Variants in PROKR2 observed in about 807,000 individuals in gnomAD.
The protein encoded by PROKR2 is G protein-coupled receptor 73-like 1.
A neutral mutation model predicts 23.4 loss-of-function variants in PROKR2; 26 were observed. The observed-to-expected ratio is 1.11, with a 90% CI of 0.81 to 1.54. The LOEUF (loss-of-function observed/expected upper bound fraction) is 1.54, where lower values mean the gene tolerates loss of function less well. Among genes scored for constraint, PROKR2 ranks in the 40% most tolerant of loss-of-function variants. PROKR2 has a pLI of 0.00. For synonymous variants in PROKR2, 212 were observed against 201.2 expected, an observed-to-expected ratio of 1.05 and a Z score of -0.45; for missense variants, 453 against 511.5, an observed-to-expected ratio of 0.89 and a Z score of 1.10.
At position 5,302,430 on chromosome 20, in the gene PROKR2, G is replaced by A. The variant is rs1979032043; in HGVS notation, c.765C>T (p.Val255=). The stretch of plus-strand genomic sequence containing the variant: ...GAATCTGCTCCGTCTGGAACCCAGG[G>A]ACTGCCTTGAACCAGAGCTCCCGGG... ...RISRELWFKA[V]PGFQTEQIRK... The change falls in exon 3 of 3, where the codon GTC becomes GTT. Residue 255 remains valine (V), a synonymous_variant. Transcript: ENST00000678254. 6.2e-7 allele frequency: 1 copy of A among 1,614,080 alleles called. No individual in the cohort carries two copies. The highest frequency in any genetic ancestry group is 1.3e-5 in the African/African-American group (1 of 74,924).
rs760687959 is a variant in PROKR2 at position 5,302,100 on chromosome 20, A to C, written c.1095T>G (p.Leu365=). The C allele has an allele frequency of 6.2e-7, 1 of 1,614,182 alleles. No homozygotes were observed. The highest frequency in any genetic ancestry group is 8.5e-7 in the Non-Finnish European group (1 of 1,180,024). Residue 365 remains leucine, a synonymous_variant, in exon 3 of 3, where the codon CTT becomes CTG. Transcript: ENST00000678254. ...TGGGCACCCCGTTGGTTCTGAGGTC[A>C]AGGTCAGCACTGGACTTGCTCCCCC... ...SQRGSKSSAD[L]DLRTNGVPTT... is the part of the protein sequence containing the mutation.
intron 2 of PROKR2, among the ~76,000 whole-genome samples, chr20:5,308,186 G>A (rs1450239192): frequency 6.0e-5 from 5 of 83,754 alleles, no homozygotes; most frequent in Non-Finnish European, 1.2e-4. Context: ...GACATGTTGG[G>A]AACAGGCCCC....
In PROKR2 at chr20:5,315,959, G is replaced by A. The variant is rs146261858; in HGVS notation, c.-9+535C>T. 2.0e-4 allele frequency: 90 copies of A among 456,418 alleles called. 1 individual carries two copies. Among genetic ancestry groups the A allele is most frequent in the South Asian group, 1.4e-3 (89 of 64,558 alleles). The allele number at this position is 456,418 out of a possible 1,614,324, so 28.3% of individuals were successfully genotyped here. A position where few individuals can be genotyped will look rare whatever the true frequency, so the allele number is the denominator to read the frequency against. On this transcript the variant is annotated intron_variant, in intron 1 of 2. Transcript: ENST00000678254. ...TAGATTGCACTCCCCGCCCGGGAGC[G>A]ACCCGTTCCAGCAGCCCCCTTCCCG...
intron 2 of PROKR2, among the ~76,000 whole-genome samples, chr20:5,308,667 C>T (rs961369735): frequency 3.3e-5 from 5 of 152,212 alleles, no homozygotes; most frequent in Non-Finnish European, 7.3e-5. Flanking sequence ...TTTAATTCCT[C>T]TAGCGCTGCT....
At chr20:5,308,194 C>CA (rs1568571185) in intron 2 of PROKR2, among the ~76,000 whole-genome samples, 4 of 98,206 alleles carry the variant, frequency 4.1e-5, no homozygotes. Context: ...GGGAACAGGC[C>CA]CCCCCCCCTC....
At chr20:5,315,359 C>T (rs8120223) in intron 1 of PROKR2, among the ~76,000 whole-genome samples, 45,353 of 152,018 alleles carry the variant, frequency 0.3, 7,048 homozygotes, top group East Asian at 0.39. Context: ...TGTCCTGTCA[C>T]CAAGGTCTCA....
At chr20:5,312,353 C>T (rs749977252) in intron 2 of PROKR2, among the ~76,000 whole-genome samples, 34 of 152,228 alleles carry the variant, frequency 2.2e-4, no homozygotes, top group Middle Eastern at 3.4e-3. Context: ...GTGATCTGCC[C>T]GTCTCAGCCT....
At chr20:5,313,494 A>C (rs537597038) in intron 2 of PROKR2, among the ~76,000 whole-genome samples, 26 of 152,370 alleles carry the variant, frequency 1.7e-4, no homozygotes, top group African/African-American at 6.0e-4. Context: ...GGAGCACAGA[A>C]GGTTCTCTAG....
chr20:5,314,661 C>T (rs1054334452), intron 1 of PROKR2, among the ~76,000 whole-genome samples: 2 of 152,196 alleles, frequency 1.3e-5, no homozygotes, highest in Non-Finnish European at 1.5e-5. Context: ...GGAAACCCTC[C>T]GTGGCTGCCC....
chr20:5,314,916 A>C (rs960734612), intron 1 of PROKR2, among the ~76,000 whole-genome samples: 5 of 152,200 alleles, frequency 3.3e-5, no homozygotes, highest in Non-Finnish European at 4.4e-5. Flanking sequence ...ATGAAGCAGG[A>C]GGGCCAGGAT....
chr20:5,309,205 G>A (rs1979341927), intron 2 of PROKR2, among the ~76,000 whole-genome samples: 1 of 152,196 alleles, frequency 6.6e-6, no homozygotes, highest in South Asian at 2.1e-4. Flanking sequence ...CATGATGACT[G>A]AGTGAATTAG....
chr20:5,316,067 G>A lies in PROKR2; in HGVS notation c.-9+427C>T, dbSNP rs539847370. On this transcript the variant is annotated intron_variant, in intron 1 of 2. Coordinates refer to ENST00000678254, the MANE Select transcript of PROKR2 (RefSeq NM_144773.4). The surrounding 1 kb of genome is among the most constrained non-coding windows in gnomAD (Gnocchi z 5.0). The stretch of plus-strand genomic sequence containing the variant: ...AATCAAGTCAGAAATTCAGGCTCTA[G>A]AAGCAAAGGCTGCGGTGCCTCCTGG... The A allele has an allele frequency of 9.6e-5, 44 of 456,766 alleles. No individual in the cohort carries two copies. The highest frequency in any genetic ancestry group is 8.6e-4 in the African/African-American group (43 of 50,220). 28.3% of individuals were successfully genotyped at this position (456,766 alleles called of 1,614,324 possible).
chr20:5,312,370 G>C (rs1010849582), intron 2 of PROKR2, among the ~76,000 whole-genome samples: 4 of 152,188 alleles, frequency 2.6e-5, no homozygotes, highest in Non-Finnish European at 4.4e-5. Context: ...GCCTCCCAAA[G>C]TGCTGGGATT....
intron 2 of PROKR2, among the ~76,000 whole-genome samples, chr20:5,304,798 G>A (rs1353801274): frequency 1.3e-5 from 2 of 152,218 alleles, no homozygotes; most frequent in African/African-American, 2.4e-5. Flanking sequence ...TCAGGATAGA[G>A]TGTTGCAGTT....
intron 2 of PROKR2, among the ~76,000 whole-genome samples, chr20:5,308,397 T>C (rs921395791): frequency 3.3e-5 from 5 of 152,234 alleles, no homozygotes; most frequent in Admixed American, 6.5e-5. Context: ...ATAGCATGAG[T>C]GATCTGTGCC....
At position 5,302,434 on chromosome 20, in the gene PROKR2, G is replaced by T; in HGVS notation, c.761C>A (p.Ala254Glu). Residue 254 changes from alanine (A) to glutamate (E), a missense_variant, in exon 3 of 3, where the codon GCA (alanine) becomes GAA (glutamate). Coordinates refer to ENST00000678254, the MANE Select transcript of PROKR2 (RefSeq NM_144773.4). ...ARISRELWFK[A>E]VPGFQTEQIR... Reference sequence around the variant, plus strand: ...CTGCTCCGTCTGGAACCCAGGGACTGCCTTGAACCAGAGCTCCCGGGAGAT... The same window carrying T: ...CTGCTCCGTCTGGAACCCAGGGACTTCCTTGAACCAGAGCTCCCGGGAGAT... 6.2e-7 allele frequency: 1 copy of T among 1,614,192 alleles called. No homozygotes were observed. The highest frequency in any genetic ancestry group is 1.1e-5 in the South Asian group (1 of 91,076).
intron 2 of PROKR2, among the ~76,000 whole-genome samples, chr20:5,308,814 T>TA (rs1979325794): frequency 6.6e-6 from 1 of 152,244 alleles, no homozygotes; most frequent in Non-Finnish European, 1.5e-5. Flanking sequence ...CCTTCTGTCA[T>TA]GTTATTTCTT....
At chr20:5,314,439 A>G in intron 1 of PROKR2, 62 bp from the exon 2 acceptor site, 1 of 1,344,168 alleles carries the variant, frequency 7.4e-7, no homozygotes, top group Non-Finnish European at 1.1e-6. Flanking sequence ...CTGCTCTTTC[A>G]GGGTCAGTGA....
Position 5,302,260 on chromosome 20 carries a change from A to G in PROKR2, c.935T>C (p.Leu312Pro), listed in dbSNP as rs745956475. 16 of 1,614,116 alleles carry G rather than the reference A, an allele frequency of 9.9e-6. No homozygotes were observed. The highest frequency in any genetic ancestry group is 8.3e-5 in the Admixed American group (5 of 60,006). ...GCACTCGACCACGTAGAAGGCAGTG[A>G]GGTAGTGCTTTTCCTTCACGAACAC... ...PTVFVKEKHY[L>P]TAFYVVECIA... Residue 312 changes from leucine (L) to proline (P), a missense_variant, in exon 3 of 3, where the codon CTC (leucine) becomes CCC (proline). Transcript: ENST00000678254.
Sources: allele counts gnomAD v4.1 joint callset (sites outside exome capture counted in the v4.1 genomes callset), GRCh38; gene constraint gnomAD v4.1.1; non-coding constraint Gnocchi (gnomAD v3.1); transcripts MANE v1.5; gene names NCBI Gene and HGNC (gene_info 2026-07-23, HGNC 2026-07-21).